Variants in LGR4 observed in about 807,000 individuals in gnomAD.
LGR4 encodes the protein leucine-rich repeat-containing G protein-coupled receptor 4.
A neutral mutation model predicts 84.8 loss-of-function variants in LGR4; 44 were observed. The observed-to-expected ratio is 0.52, with a 90% confidence interval of 0.41 to 0.67. The LOEUF (loss-of-function observed/expected upper bound fraction) is 0.67, where lower values mean the gene tolerates loss of function less well. Among genes scored for constraint, LGR4 ranks in the 30% least tolerant of loss-of-function variants. The pLI, the probability that LGR4 is intolerant of heterozygous loss-of-function variation, is 0.00. For synonymous variants in LGR4, 429 were observed against 434.3 expected, an observed-to-expected ratio of 0.99 and a Z score of 0.15; for missense variants, 1,032 against 1,131.4, an observed-to-expected ratio of 0.91 and a Z score of 1.26.
intron 17 of LGR4, among the ~76,000 whole-genome samples, chr11:27,370,085 G>A (rs1565068040): frequency 6.6e-6 from 1 of 152,066 alleles, no homozygotes; most frequent in Non-Finnish European, 1.5e-5. Context: ...AATTAGAAAA[G>A]AAAAACAAGA....
At chr11:27,444,095 A>G (rs1255849034) in intron 1 of LGR4, among the ~76,000 whole-genome samples, 1 of 48,096 alleles carries the variant, frequency 2.1e-5, no homozygotes, top group Non-Finnish European at 6.4e-5. Context: ...GTATTTAAAG[A>G]AAAAAAAAAT....
At chr11:27,395,853 A>T (rs1196865760) in intron 2 of LGR4, among the ~76,000 whole-genome samples, 1 of 152,194 alleles carries the variant, frequency 6.6e-6, no homozygotes, top group Non-Finnish European at 1.5e-5. Context: ...CATGTTGCTT[A>T]TTTTATGAGC....
intron 1 of LGR4, 95 bp downstream of exon 1, chr11:27,472,023 G>A: frequency 1.1e-6 from 1 of 912,496 alleles, no homozygotes; most frequent in Non-Finnish European, 1.4e-6. Flanking sequence ...GGCGGGGCGG[G>A]GTGGGGTGGG....
At chr11:27,469,469 T>G (rs1468316101) in intron 1 of LGR4, among the ~76,000 whole-genome samples, 1 of 152,134 alleles carries the variant, frequency 6.6e-6, no homozygotes, top group Non-Finnish European at 1.5e-5. Context: ...CATTTTTAAG[T>G]GCCTCCTATG....
At chr11:27,459,792 C>T (rs1047106420) in intron 1 of LGR4, among the ~76,000 whole-genome samples, 1 of 151,350 alleles carries the variant, frequency 6.6e-6, no homozygotes, top group Admixed American at 6.6e-5. Context: ...TCTTTTAACA[C>T]AGAATAAGCA....
chr11:27,434,314 C>T (rs1242227526), intron 1 of LGR4, among the ~76,000 whole-genome samples: 1 of 152,172 alleles, frequency 6.6e-6, no homozygotes, highest in Non-Finnish European at 1.5e-5. Context: ...ATCTCCATTG[C>T]TCTAGATGCA....
intron 5 of LGR4, 101 bp downstream of exon 5, chr11:27,385,152 G>C: frequency 1.3e-6 from 1 of 793,366 alleles, no homozygotes; most frequent in East Asian, 2.6e-5. Flanking sequence ...CTACTCAGGA[G>C]CATATTCAGC....
In LGR4 at chr11:27,384,399, T is replaced by C. The variant is rs746365357; in HGVS notation, c.626A>G (p.His209Arg). 7 of 1,607,466 alleles carry C rather than the reference T, an allele frequency of 4.4e-6. No individual in the cohort carries two copies. Among genetic ancestry groups the C allele is most frequent in the Admixed American group, 3.3e-5 (2 of 59,956 alleles). The change falls in exon 6 of 18, where the codon CAT becomes CGT. Residue 209 changes from histidine to arginine, a missense_variant. Transcript: ENST00000379214. ...ACTCAGGCTTCTAATTTTATTGTTA[T>C]GAAGATGCCTAAGGGGGAAAAAAAG... Reference protein sequence around the residue: ...NLSSLVVLHLHNNKIRSLSQH... With the variant: ...NLSSLVVLHLRNNKIRSLSQH...
chr11:27,458,470 T>G (rs1864614917), intron 1 of LGR4, among the ~76,000 whole-genome samples: 1 of 152,166 alleles, frequency 6.6e-6, no homozygotes, highest in African/African-American at 2.4e-5. Context: ...AAAGGATGAC[T>G]TTTAAAATTG....
chr11:27,451,095 C>G (rs181921840), intron 1 of LGR4, among the ~76,000 whole-genome samples: 1 of 152,100 alleles, frequency 6.6e-6, no homozygotes, highest in African/African-American at 2.4e-5. Flanking sequence ...ACTAAATGAA[C>G]GGTACTTTTC....
rs1441495920 is a variant in LGR4, at chr11:27,468,875, G to C, written c.185+3243C>G. Among the ~76,000 whole-genome samples, 4 of 152,188 alleles carry C rather than the reference G, an allele frequency of 2.6e-5. No individual in the cohort carries two copies. In the East Asian group the frequency reaches 5.8e-4, roughly 22 times the overall value. On this transcript the variant is annotated intron_variant, in intron 1 of 17. Transcript: ENST00000379214. Reference sequence around the variant, plus strand: ...ACCTAGGACATGCAAATTTGTGCTCGAGGTCTACGTTTCTCAAACACCGTA... The same window carrying C: ...ACCTAGGACATGCAAATTTGTGCTCCAGGTCTACGTTTCTCAAACACCGTA...
intron 1 of LGR4, among the ~76,000 whole-genome samples, chr11:27,451,667 T>C (rs1280575891): frequency 6.6e-6 from 1 of 152,224 alleles, no homozygotes; most frequent in Non-Finnish European, 1.5e-5. Context: ...ATTCATCCCC[T>C]GTTTAGATAA....
At chr11:27,439,618 G>A (rs1405930033) in intron 1 of LGR4, among the ~76,000 whole-genome samples, 1 of 152,096 alleles carries the variant, frequency 6.6e-6, no homozygotes, top group African/African-American at 2.4e-5. Context: ...GGGCCATATG[G>A]CAACTCTATT....
intron 1 of LGR4, among the ~76,000 whole-genome samples, chr11:27,426,042 A>G (rs1010998179): frequency 1.3e-5 from 2 of 152,224 alleles, no homozygotes; most frequent in African/African-American, 4.8e-5. Flanking sequence ...AATGCTTTAC[A>G]TAGTAATAGT....
At chr11:27,416,302 C>A (rs974850456) in intron 1 of LGR4, among the ~76,000 whole-genome samples, 10 of 152,176 alleles carry the variant, frequency 6.6e-5, no homozygotes, top group African/African-American at 1.7e-4. Flanking sequence ...CTTACTACCA[C>A]CAGCTGTGTG....
chr11:27,382,434 A>C (rs1391343606), intron 6 of LGR4, among the ~76,000 whole-genome samples, 178 bp from the exon 7 acceptor site: 1 of 151,872 alleles, frequency 6.6e-6, no homozygotes, highest in Non-Finnish European at 1.5e-5. Context: ...ACCTTTTCTT[A>C]CAATAATGAA....
rs1862929544 is a variant in LGR4, at chr11:27,373,873, ATAAC to A, written c.1253+98_1253+101del. On this transcript the variant is annotated intron_variant, in intron 14 of 17. Transcript: ENST00000379214. The stretch of plus-strand genomic sequence containing the variant: ...TACAGCTTAGCATTTATACAAGGGA[ATAAC>A]TAAACAGAAAAATATTTTGATTCGA... The A allele has an allele frequency of 5.7e-6, 6 of 1,049,380 alleles. No homozygotes were observed. The South Asian group carries it at 8.1e-5, about 14-fold the overall frequency. The allele number at this position is 1,049,380 out of a possible 1,614,324, so 65.0% of individuals were successfully genotyped here.
chr11:27,402,371 A>G (rs929620157), intron 2 of LGR4, among the ~76,000 whole-genome samples: 1 of 151,720 alleles, frequency 6.6e-6, no homozygotes, highest in Admixed American at 6.6e-5. Context: ...GTGGAGTGAT[A>G]ACAGGATGGT....
intron 1 of LGR4, among the ~76,000 whole-genome samples, chr11:27,460,440 C>G (rs1203379375): frequency 6.6e-6 from 1 of 152,230 alleles, no homozygotes; most frequent in Non-Finnish European, 1.5e-5. Flanking sequence ...CATATCAAAT[C>G]TGGCAGAGCA....
Sources: allele counts gnomAD v4.1 joint callset (sites outside exome capture counted in the v4.1 genomes callset), GRCh38; gene constraint gnomAD v4.1.1; transcripts MANE v1.5; gene names NCBI Gene and HGNC (gene_info 2026-07-23, HGNC 2026-07-21).